Variants in CEMIP2 observed in about 807,000 individuals in gnomAD.
The protein encoded by CEMIP2 is cell migration inducing hyaluronidase 2, also known as cell surface hyaluronidase CEMIP2.
In CEMIP2, 79 loss-of-function variants were observed where a neutral mutation model predicts 146.9. The ratio of observed to expected loss-of-function variants is 0.54; its 90% confidence interval spans 0.45 to 0.65. The LOEUF (loss-of-function observed/expected upper bound fraction) is 0.65. CEMIP2 is among the 30% of genes least tolerant of loss of function. The probability of loss-of-function intolerance (pLI) is 0.00; values close to 1 mark genes in which losing one functional copy is unlikely to be tolerated. For synonymous variants in CEMIP2, 601 were observed against 606.3 expected (o/e 0.99, Z 0.13); for missense variants, 1,596 against 1,696.2 (o/e 0.94, Z 1.04).
chr9:71,730,656 G>C, intron 8 of CEMIP2, 49 bp downstream of exon 8: 1 of 1,566,568 alleles, frequency 6.4e-7, no homozygotes, highest in Non-Finnish European at 8.8e-7. Context: ...GAATTAAAGA[G>C]AGTTAACTAT....
intron 17 of CEMIP2, 101 bp downstream of exon 17, chr9:71,709,158 G>A (rs747902237): frequency 4.5e-5 from 50 of 1,102,654 alleles, no homozygotes; most frequent in Non-Finnish European, 6.5e-5. Context: ...TCATACTTTG[G>A]AAAATGTCAA....
intron 19 of CEMIP2, among the ~76,000 whole-genome samples, chr9:71,698,884 C>A (rs1170792709): frequency 2.0e-5 from 3 of 151,946 alleles, no homozygotes; most frequent in Non-Finnish European, 4.4e-5. Flanking sequence ...CAAAGGAAGT[C>A]AAGATTCTAA....
At chr9:71,705,740 T>C (rs546978243) in intron 17 of CEMIP2, among the ~76,000 whole-genome samples, 27 of 149,840 alleles carry the variant, frequency 1.8e-4, no homozygotes, top group African/African-American at 5.6e-4. Context: ...TTAAACATAC[T>C]TATGTTTAAC....
Position 71,730,126 on chromosome 9 carries a change from T to C in CEMIP2, c.1901A>G (p.Asp634Gly). ...LTKPGTLLPTDRNNSMCTTMR... is the reference protein window; with the variant it reads ...LTKPGTLLPTGRNNSMCTTMR... ...GGTGGTACACATGGAGTTGTTCCTATCGGTGGGCAGGAGAGTACCCGGCTT... is the reference window on the plus strand; with the variant it reads ...GGTGGTACACATGGAGTTGTTCCTACCGGTGGGCAGGAGAGTACCCGGCTT... Residue 634 changes from aspartate (D) to glycine (G), a missense_variant, in exon 9 of 24, where the codon GAT becomes GGT. Asp to Gly is a moderately conservative substitution (Grantham distance 94, BLOSUM62 -1). Transcript: ENST00000377044. 1 of 1,614,162 alleles carries C rather than the reference T, an allele frequency of 6.2e-7. No homozygotes were observed. The highest frequency in any genetic ancestry group is 8.5e-7 in the Non-Finnish European group (1 of 1,180,032).
chr9:71,709,461 A>G lies in CEMIP2; in HGVS notation c.2783T>C (p.Val928Ala). ...VKFGPHVSLN[V>A]FFGKPGPWFE... Reference sequence around the variant, plus strand: ...CCAGGGACCAGGCTTTCCAAAAAAGACATTCAGAGAGACCTGACCACAGTG... The same window carrying G: ...CCAGGGACCAGGCTTTCCAAAAAAGGCATTCAGAGAGACCTGACCACAGTG... The change falls in exon 17 of 24, where the codon GTC becomes GCC. Residue 928 changes from valine to alanine, a missense_variant. By Grantham distance (64) the Val-to-Ala change is moderately conservative. Transcript: ENST00000377044. The G allele has an allele frequency of 6.2e-7, 1 of 1,614,164 alleles. No individual in the cohort carries two copies. Among genetic ancestry groups the G allele is most frequent in the East Asian group, 2.2e-5 (1 of 44,882 alleles).
In CEMIP2 at chr9:71,748,081, A is replaced by T. The variant is rs560897380; in HGVS notation, c.332-1740T>A. Among the ~76,000 whole-genome samples, 24 of 152,304 alleles carry T rather than the reference A, an allele frequency of 1.6e-4. No individual in the cohort carries two copies. In the South Asian group the frequency reaches 4.8e-3, roughly 30 times the overall value. On this transcript the variant is annotated intron_variant, in intron 2 of 23. Transcript: ENST00000377044. The stretch of plus-strand genomic sequence containing the variant: ...ACAACATCTAGCTGAAATTCTCCAT[A>T]GTTTTATAACAAGCACTGTACCCAG...
intron 1 of CEMIP2, among the ~76,000 whole-genome samples, chr9:71,766,900 C>T (rs1824814744): frequency 6.6e-6 from 1 of 152,240 alleles, no homozygotes; most frequent in African/African-American, 2.4e-5. Context: ...TCCGCCCAAA[C>T]TGATCCTCTA....
rs746884544 is a variant in CEMIP2, at chr9:71,745,503, A to G, written c.549T>C (p.Asp183=). Residue 183 remains aspartate, a synonymous_variant, in exon 4 of 24, where the codon GAT becomes GAC. Coordinates refer to ENST00000377044, the MANE Select transcript of CEMIP2 (RefSeq NM_013390.3). ...CTGCTCCAATATGAAGCGCCCCACC[A>G]TCCTGGATCAGGATGTAATGAGTCC... is the stretch of plus-strand genomic sequence containing the variant. ...TLRTHYILIQ[D]GGALHIGAEK... is the part of the protein sequence containing the mutation. 3.7e-6 allele frequency: 6 copies of G among 1,613,798 alleles called. No homozygotes were observed. Among genetic ancestry groups the G allele is most frequent in the Middle Eastern group, 1.6e-4 (1 of 6,084 alleles).
chr9:71,700,749 C>T lies in CEMIP2; in HGVS notation c.3270G>A (p.Arg1090=). ...CGATTTTGGATAATGAGCCATTCTGCCGCTGCAAATAGCCAAAGGTAACTT... is the reference window on the plus strand; with the variant it reads ...CGATTTTGGATAATGAGCCATTCTGTCGCTGCAAATAGCCAAAGGTAACTT... The part of the protein sequence containing the change: ...SFQVTFGYLQ[R]QNGSLSKIEE... The change falls in exon 19 of 24, where the codon CGG becomes CGA. Residue 1090 remains arginine, a synonymous_variant. Transcript: ENST00000377044. The T allele has an allele frequency of 1.2e-6, 2 of 1,614,114 alleles. No individual in the cohort carries two copies. Among genetic ancestry groups the T allele is most frequent in the Non-Finnish European group, 1.7e-6 (2 of 1,180,012 alleles).
At chr9:71,728,630 CAT>C (rs1243229148) in intron 10 of CEMIP2, among the ~76,000 whole-genome samples, 1 of 151,924 alleles carries the variant, frequency 6.6e-6, no homozygotes, top group Non-Finnish European at 1.5e-5. Context: ...AAATTATTCT[CAT>C]GTGTGTTTTA....
chr9:71,685,166 T>C lies in CEMIP2; in HGVS notation c.*31A>G. ...ATTAAATAAGTTAGTTCACATTTTT[T>C]TTCCCCCAGCACTTAAGTTACAGTT... On this transcript the variant is annotated 3_prime_UTR_variant, in exon 24 of 24. Transcript: ENST00000377044. 1 of 1,542,496 alleles carries C rather than the reference T, an allele frequency of 6.5e-7. No homozygotes were observed. The highest frequency in any genetic ancestry group is 2.3e-5 in the East Asian group (1 of 43,420).
At chr9:71,731,009 CTTATTAAAACATTCGA>C in intron 7 of CEMIP2, 95 bp from the exon 8 acceptor site, 1 of 935,044 alleles carries the variant, frequency 1.1e-6, no homozygotes, top group Non-Finnish European at 1.6e-6. Context: ...AAGGAGAATA[CTTATTAAAACATTCGA>C]TTTTCTTTTG....
chr9:71,692,689 A>G (rs528047633), intron 21 of CEMIP2, among the ~76,000 whole-genome samples: 108 of 152,288 alleles, frequency 7.1e-4, no homozygotes, highest in Non-Finnish European at 1.4e-3. Context: ...CAGGAAGATC[A>G]CTTGAGCCCA....
intron 18 of CEMIP2, among the ~76,000 whole-genome samples, chr9:71,701,325 C>T (rs778784268): frequency 6.6e-5 from 10 of 152,102 alleles, no homozygotes; most frequent in Non-Finnish European, 8.8e-5. Flanking sequence ...AGGCCGGTCT[C>T]GAACTCCTGA....
chr9:71,709,762 C>T (rs546631773), intron 16 of CEMIP2, among the ~76,000 whole-genome samples: 63 of 152,292 alleles, frequency 4.1e-4, no homozygotes, highest in African/African-American at 1.5e-3. Context: ...AAAACTATTA[C>T]CTGTTCTCCA....
At chr9:71,762,503 CAAAAAA>C (rs58090104) in intron 1 of CEMIP2, among the ~76,000 whole-genome samples, 73 of 79,736 alleles carry the variant, frequency 9.2e-4, no homozygotes, top group Admixed American at 3.3e-3. Context: ...GCCCCGTCAC[CAAAAAA>C]AAAAAAAAAA....
At chr9:71,715,145 C>G in intron 14 of CEMIP2, 56 bp from the exon 15 acceptor site, 1 of 1,579,236 alleles carries the variant, frequency 6.3e-7, no homozygotes, top group Non-Finnish European at 8.6e-7. Context: ...TAAATGTATT[C>G]CCAAATGTAG....
rs865831942 is a variant in CEMIP2 at position 71,728,316 on chromosome 9, T to C, written c.2049+1529A>G. 4.0e-4 allele frequency among the ~76,000 whole-genome samples: 35 copies of C among 87,636 alleles called. 2 individuals are homozygous for C. Among genetic ancestry groups the C allele is most frequent in the Middle Eastern group, 5.3e-3 (1 of 188 alleles). The allele number at this position is 87,636 out of a possible 152,430, so 57.5% of individuals were successfully genotyped here. ...ATATATATATACATATATATATATATACGTATATATATATATCTCAGCAGG... is the reference window on the plus strand; with the variant it reads ...ATATATATATACATATATATATATACACGTATATATATATATCTCAGCAGG... On this transcript the variant is annotated intron_variant, in intron 10 of 23. Coordinates refer to ENST00000377044, the MANE Select transcript of CEMIP2 (RefSeq NM_013390.3).
intron 4 of CEMIP2, among the ~76,000 whole-genome samples, chr9:71,741,841 TCAC>T (rs1203885936): frequency 6.6e-6 from 1 of 151,888 alleles, no homozygotes; most frequent in Non-Finnish European, 1.5e-5. Flanking sequence ...AGACAGGGTT[TCAC>T]CATGTTGGCC....
Sources: gnomAD v4.1 joint callset for allele counts (sites outside exome capture counted in the v4.1 genomes callset) on GRCh38, gnomAD v4.1.1 for gene constraint, MANE v1.5 for transcripts, NCBI Gene and HGNC (gene_info 2026-07-23, HGNC 2026-07-21) for gene names.